ARPC1A: variants seen among roughly 807,000 people sequenced by gnomAD.
The protein encoded by ARPC1A is actin related protein 2/3 complex subunit 1A, also known as actin-related protein 2/3 complex subunit 1A.
In ARPC1A, 8 loss-of-function variants were observed where a neutral mutation model predicts 46.9. The observed-to-expected ratio is 0.17, with a 90% CI of 0.10 to 0.31. ARPC1A has a LOEUF of 0.31. Among genes scored for constraint, ARPC1A ranks in the 10% least tolerant of loss-of-function variants. The pLI is 1.00. For missense variants in ARPC1A, 286 were observed against 483.6 expected (o/e 0.59, Z 3.83); for synonymous variants, 152 against 169.0 (o/e 0.90, Z 0.78).
chr7:99,356,767 G>A (rs1793642106), intron 6 of ARPC1A, among the ~76,000 whole-genome samples: 1 of 152,102 alleles, frequency 6.6e-6, no homozygotes, highest in South Asian at 2.1e-4. Context: ...AGGCGTGGTG[G>A]CGGGCGCTTG....
intron 2 of ARPC1A, among the ~76,000 whole-genome samples, chr7:99,337,392 G>C (rs138280820): frequency 6.6e-6 from 1 of 152,324 alleles, no homozygotes; most frequent in African/African-American, 2.4e-5. Context: ...TTGCACTCCA[G>C]CCTGGGCAAC....
intron 5 of ARPC1A, 29 bp from the exon 6 acceptor site, chr7:99,353,880 T>C: frequency 6.2e-7 from 1 of 1,604,006 alleles, no homozygotes; most frequent in Non-Finnish European, 8.5e-7. Flanking sequence ...TTCATTTGCT[T>C]TTTCCTTTTC....
chr7:99,366,038 C>A lies in ARPC1A; in HGVS notation c.*109C>A. ...CCAAGGAAACACTGAAAACACATAT[C>A]ACGCCAATGCCGTGTGGTTTTGTTT... is the stretch of plus-strand genomic sequence containing the variant. On this transcript the variant is annotated 3_prime_UTR_variant, in exon 10 of 10. Transcript: ENST00000262942. 1.6e-6 allele frequency: 2 copies of A among 1,269,582 alleles called. No homozygotes were observed. The highest frequency in any genetic ancestry group is 2.2e-6 in the Non-Finnish European group (2 of 910,912). 78.6% of individuals were successfully genotyped at this position (1,269,582 alleles called of 1,614,324 possible). A position where few individuals can be genotyped will look rare whatever the true frequency, so the allele number is the denominator to read the frequency against.
At chr7:99,328,240 G>C (rs576515362) in intron 1 of ARPC1A, among the ~76,000 whole-genome samples, 1 of 152,044 alleles carries the variant, frequency 6.6e-6, no homozygotes, top group Non-Finnish European at 1.5e-5. Flanking sequence ...ATGGTGGCAC[G>C]TGCCTGTAAT....
At chr7:99,357,315 A>G (rs1793652946) in intron 6 of ARPC1A, among the ~76,000 whole-genome samples, 1 of 152,080 alleles carries the variant, frequency 6.6e-6, no homozygotes, top group South Asian at 2.1e-4. Flanking sequence ...CTTCAATTCA[A>G]TGCCAACTTT....
rs530293290 is a variant in ARPC1A at position 99,343,471 on chromosome 7, A to C, written c.170-822A>C. ...GCAAGAGTGAAACTCCATCTCAAAA[A>C]AAAAAAAGAAAGAAAAGAAAAGAAA... On this transcript the variant is annotated intron_variant, in intron 3 of 9. Transcript: ENST00000262942. Among the ~76,000 whole-genome samples, 10 of 152,134 alleles carry C rather than the reference A, an allele frequency of 6.6e-5. No individual in the cohort carries two copies. The South Asian group carries it at 2.1e-3, about 32-fold the overall frequency.
At chr7:99,363,729 A>C in intron 9 of ARPC1A, 96 bp downstream of exon 9, 7 of 890,078 alleles carry the variant, frequency 7.9e-6, no homozygotes, top group Non-Finnish European at 1.2e-5. Flanking sequence ...AGGTTGGAGT[A>C]AGTGGCACAA....
At chr7:99,354,632 G>T (rs566795171) in intron 6 of ARPC1A, among the ~76,000 whole-genome samples, 102 of 152,108 alleles carry the variant, frequency 6.7e-4, no homozygotes, top group African/African-American at 2.4e-3. Flanking sequence ...ATCACCTGAG[G>T]TCAAGAGTTC....
At chr7:99,337,362 A>G (rs1300750970) in intron 2 of ARPC1A, among the ~76,000 whole-genome samples, 1 of 152,222 alleles carries the variant, frequency 6.6e-6, no homozygotes, top group Non-Finnish European at 1.5e-5. Flanking sequence ...CGGAGGTTGC[A>G]GTAAGCCAAG....
chr7:99,365,540 G>A lies in ARPC1A; in HGVS notation c.1075-351G>A, dbSNP rs576846733. Among the ~76,000 whole-genome samples, 8 of 152,056 alleles carry A rather than the reference G, an allele frequency of 5.3e-5. No homozygotes were observed. The South Asian group carries it at 1.7e-3, about 32-fold the overall frequency. On this transcript the variant is annotated intron_variant, in intron 9 of 9. Transcript: ENST00000262942. ...GAGGCAGGAGGATCACTTGAGCCCA[G>A]GAGTTGGAGGCTGCAGTGAGCTGTG... is the stretch of plus-strand genomic sequence containing the variant.
chr7:99,362,086 G>T (rs1793750454), intron 8 of ARPC1A, among the ~76,000 whole-genome samples: 1 of 152,034 alleles, frequency 6.6e-6, no homozygotes, highest in Admixed American at 6.6e-5. Flanking sequence ...CTTGAGGTCA[G>T]GTGGTCAAGA....
At chr7:99,337,797 A>G (rs1037838519) in intron 2 of ARPC1A, among the ~76,000 whole-genome samples, 2 of 152,194 alleles carry the variant, frequency 1.3e-5, no homozygotes, top group Non-Finnish European at 2.9e-5. Flanking sequence ...TTTCAAAAAG[A>G]CAAACAGAAA....
At chr7:99,350,134 G>A (rs1793523553) in intron 5 of ARPC1A, among the ~76,000 whole-genome samples, 1 of 152,216 alleles carries the variant, frequency 6.6e-6, no homozygotes, top group South Asian at 2.1e-4. Flanking sequence ...CCACTTGGAA[G>A]TGGGGTAGGA....
At position 99,343,381 on chromosome 7, in the gene ARPC1A, G is replaced by A. The variant is rs368055126; in HGVS notation, c.170-912G>A. Among the ~76,000 whole-genome samples, 30 of 151,924 alleles carry A rather than the reference G, an allele frequency of 2.0e-4. No homozygotes were observed. In the East Asian group the frequency reaches 2.5e-3, roughly 13 times the overall value. ...CTCGGGAGGCTGAGGCAGGAGAATC[G>A]CTTGAACCCGGGAGGCGGAGGTTGC... On this transcript the variant is annotated intron_variant, in intron 3 of 9. Transcript: ENST00000262942.
At chr7:99,359,435 CAAAA>C (rs60691102) in intron 7 of ARPC1A, 106 bp from the exon 8 acceptor site, 5,056 of 787,178 alleles carry the variant, frequency 6.4e-3, no homozygotes, top group Middle Eastern at 8.1e-3. Context: ...GACTCGGTCT[CAAAA>C]AAAAAAAAAA....
At chr7:99,332,747 GCCCGCTACCATGC>G (rs377198852) in intron 1 of ARPC1A, among the ~76,000 whole-genome samples, 2 of 150,926 alleles carry the variant, frequency 1.3e-5, no homozygotes, top group Admixed American at 6.6e-5. Context: ...GACTACAGGC[GCCCGCTACCATGC>G]CCGGCTAATT....
intron 8 of ARPC1A, among the ~76,000 whole-genome samples, chr7:99,361,287 G>A (rs1169041846): frequency 6.6e-6 from 1 of 152,070 alleles, no homozygotes; most frequent in African/African-American, 2.4e-5. Flanking sequence ...AGGATCACTT[G>A]AGGCCAGCAG....
chr7:99,355,233 G>A (rs1209224283), intron 6 of ARPC1A, among the ~76,000 whole-genome samples: 1 of 151,978 alleles, frequency 6.6e-6, no homozygotes, highest in East Asian at 1.9e-4. Context: ...GGTGAGCCGA[G>A]ATTGTGCCAT....
intron 3 of ARPC1A, among the ~76,000 whole-genome samples, chr7:99,342,016 T>C (rs1314743579): frequency 6.6e-6 from 1 of 152,224 alleles, no homozygotes; most frequent in Non-Finnish European, 1.5e-5. Context: ...TTTATTCTTT[T>C]GTATTAAATA....
Sources: allele counts gnomAD v4.1 joint callset (sites outside exome capture counted in the v4.1 genomes callset), GRCh38; gene constraint gnomAD v4.1.1; transcripts MANE v1.5; gene names NCBI Gene and HGNC (gene_info 2026-07-23, HGNC 2026-07-21).